DPY19L4: variants seen among roughly 807,000 people sequenced by gnomAD.
DPY19L4 encodes dpy-19 like 4, also known as probable C-mannosyltransferase DPY19L4.
In DPY19L4, 97 loss-of-function variants were observed where a neutral mutation model predicts 102.8. The ratio of observed to expected loss-of-function variants is 0.94; its 90% CI spans 0.80 to 1.12. The LOEUF is 1.12. Among genes scored for constraint, DPY19L4 ranks in the 50% most tolerant of loss-of-function variants. The pLI is 0.00. For missense variants in DPY19L4, 815 were observed against 850.4 expected (o/e 0.96, Z 0.52); for synonymous variants, 252 against 283.1 (o/e 0.89, Z 1.10).
chr8:94,734,012 G>C (rs1811083224), intron 2 of DPY19L4, among the ~76,000 whole-genome samples: 1 of 150,640 alleles, frequency 6.6e-6, no homozygotes, highest in Non-Finnish European at 1.5e-5. Flanking sequence ...ATTAATTTAA[G>C]ATCATATGTT....
At chr8:94,741,657 T>C (rs1811449626) in intron 6 of DPY19L4, among the ~76,000 whole-genome samples, 1 of 152,228 alleles carries the variant, frequency 6.6e-6, no homozygotes, top group African/African-American at 2.4e-5. Context: ...TTTAATTGAT[T>C]TCATTGATTC....
Position 94,789,897 on chromosome 8 carries a change from C to G in DPY19L4, c.2159C>G (p.Ser720Cys), listed in dbSNP as rs140198354. Reference sequence around the variant, plus strand: ...GTATATAAAATCAACACTGTGATATCCTTCCAGTCTTGAAAAATAACAGAG... The same window carrying G: ...GTATATAAAATCAACACTGTGATATGCTTCCAGTCTTGAAAAATAACAGAG... ...YFVYKINTVI[S>C]FQS The change falls in exon 19 of 19, where the codon TCC (serine) becomes TGC (cysteine). Residue 720 changes from serine to cysteine, a missense_variant. Coordinates refer to ENST00000414645, the MANE Select transcript of DPY19L4 (RefSeq NM_181787.3). 12 of 1,593,714 alleles carry G rather than the reference C, an allele frequency of 7.5e-6. No homozygotes were observed. Among genetic ancestry groups the G allele is most frequent in the Non-Finnish European group, 1.0e-5 (12 of 1,174,316 alleles).
chr8:94,732,913 C>T (rs569989735), intron 2 of DPY19L4, among the ~76,000 whole-genome samples: 2 of 148,634 alleles, frequency 1.3e-5, no homozygotes, highest in African/African-American at 5.0e-5. Context: ...TGGGCTAAAG[C>T]GATTATCCTG....
chr8:94,759,347 C>T (rs1812302281), intron 7 of DPY19L4, among the ~76,000 whole-genome samples: 1 of 152,014 alleles, frequency 6.6e-6, no homozygotes, highest in East Asian at 1.9e-4. Flanking sequence ...CTGATTGGTG[C>T]ATATTACAGA....
At chr8:94,774,830 G>GC (rs1813101271) in intron 13 of DPY19L4, among the ~76,000 whole-genome samples, 3 of 152,028 alleles carry the variant, frequency 2.0e-5, no homozygotes, top group South Asian at 4.2e-4. Flanking sequence ...GCCCGCCTCG[G>GC]CCCCCCAAAG....
In DPY19L4 at chr8:94,781,061, T is replaced by TC; in HGVS notation, c.1633-23_1633-22insC. On this transcript the variant is annotated intron_variant, in intron 15 of 18. Transcript: ENST00000414645. The stretch of plus-strand genomic sequence containing the variant: ...CTGACATACATCTTTTGGGGATTTT[T>TC]TTTTTTTTTTTTTGCATTTTAGTTT... The TC allele has an allele frequency of 2.0e-6, 3 of 1,527,216 alleles. No individual in the cohort carries two copies. In the South Asian group the frequency reaches 3.7e-5, roughly 19 times the overall value. 94.6% of individuals were successfully genotyped at this position (1,527,216 alleles called of 1,614,324 possible).
chr8:94,732,234 AT>A (rs1156967467), intron 2 of DPY19L4, among the ~76,000 whole-genome samples: 1 of 152,218 alleles, frequency 6.6e-6, no homozygotes, highest in Admixed American at 6.5e-5. Flanking sequence ...CTAAAAAAAA[AT>A]CAACAAGTTG....
Position 94,756,093 on chromosome 8 carries a change from A to G in DPY19L4, c.669A>G (p.Pro223=), listed in dbSNP as rs369769582. Residue 223 remains proline, a synonymous_variant, in exon 7 of 19, where the codon CCA becomes CCG. Transcript: ENST00000414645. ...CTTTAAGAGAAAACTGGGCACTACC[A>G]TATTTTGCATGCCAAATTGCTGCAC... is the stretch of plus-strand genomic sequence containing the variant. ...SIPLRENWAL[P]YFACQIAALT... 9 of 1,613,706 alleles carry G rather than the reference A, an allele frequency of 5.6e-6. No homozygotes were observed. The highest frequency in any genetic ancestry group is 7.6e-6 in the Non-Finnish European group (9 of 1,179,968).
intron 14 of DPY19L4, among the ~76,000 whole-genome samples, chr8:94,779,232 C>CAAA (rs1563614531): frequency 6.8e-6 from 1 of 147,032 alleles, no homozygotes; most frequent in African/African-American, 2.5e-5. Context: ...AAAAAAAAAA[C>CAAA]CAAGGCTTTA....
At chr8:94,743,157 AG>A (rs1811520286) in intron 6 of DPY19L4, among the ~76,000 whole-genome samples, 1 of 151,976 alleles carries the variant, frequency 6.6e-6, no homozygotes, top group Non-Finnish European at 1.5e-5. Flanking sequence ...CCTCCTGAGT[AG>A]CTGGGATTAC....
chr8:94,729,124 A>G (rs1263313885), intron 2 of DPY19L4, among the ~76,000 whole-genome samples: 1 of 152,148 alleles, frequency 6.6e-6, no homozygotes, highest in Non-Finnish European at 1.5e-5. Flanking sequence ...TAATCCCAGC[A>G]CTTTGGGAGG....
intron 6 of DPY19L4, among the ~76,000 whole-genome samples, chr8:94,752,963 C>G (rs1812011829): frequency 1.3e-5 from 2 of 149,584 alleles, no homozygotes; most frequent in Non-Finnish European, 3.0e-5. Context: ...CAGTGCCCGG[C>G]TTTTGAAGAT....
At chr8:94,785,821 C>T (rs1813627724) in intron 17 of DPY19L4, among the ~76,000 whole-genome samples, 1 of 152,134 alleles carries the variant, frequency 6.6e-6, no homozygotes. Context: ...CAGCATATTC[C>T]TGAATTTTAT....
chr8:94,720,072 CG>C, intron 1 of DPY19L4, 58 bp downstream of exon 1: 3 of 1,505,526 alleles, frequency 2.0e-6, no homozygotes, highest in Non-Finnish European at 1.8e-6. Flanking sequence ...GAAGGAGGGG[CG>C]GGGGCGCTGG....
rs1316284251 is a variant in DPY19L4, at chr8:94,793,336, C to T, written c.*3426C>T. 2.6e-5 allele frequency: 4 copies of T among 152,136 alleles called. No individual in the cohort carries two copies. Among genetic ancestry groups the T allele is most frequent in the Non-Finnish European group, 5.9e-5 (4 of 68,024 alleles). The allele number at this position is 152,136 out of a possible 1,614,324, so 9.4% of individuals were successfully genotyped here. A position where few individuals can be genotyped will look rare whatever the true frequency, so the allele number is the denominator to read the frequency against. ...CTGATAAATCAGTTGTTTTGGGCCC[C>T]TATTTTTGAACTGTTAAAAAATTTT... On this transcript the variant is annotated 3_prime_UTR_variant, in exon 19 of 19. Transcript: ENST00000414645.
intron 6 of DPY19L4, among the ~76,000 whole-genome samples, chr8:94,745,760 A>AT (rs900155477): frequency 1.3e-4 from 20 of 149,420 alleles, no homozygotes; most frequent in East Asian, 9.8e-4. Context: ...TTTGTAATAA[A>AT]TTTTTTTTTT....
chr8:94,735,835 G>A (rs190010382), intron 3 of DPY19L4, among the ~76,000 whole-genome samples: 4 of 152,266 alleles, frequency 2.6e-5, no homozygotes, highest in Admixed American at 2.0e-4. Context: ...CATATACCCA[G>A]TAGATTTGAG....
At chr8:94,721,903 G>C (rs1810474915) in intron 1 of DPY19L4, among the ~76,000 whole-genome samples, 1 of 152,122 alleles carries the variant, frequency 6.6e-6, no homozygotes, top group Non-Finnish European at 1.5e-5. Flanking sequence ...GAAGTCAGAA[G>C]TTCGAGACCA....
At chr8:94,757,251 C>A (rs886805641) in intron 7 of DPY19L4, among the ~76,000 whole-genome samples, 1 of 152,058 alleles carries the variant, frequency 6.6e-6, no homozygotes, top group Non-Finnish European at 1.5e-5. Context: ...ATTCTTTTCT[C>A]CTTTCAGTGG....
Sources: gnomAD v4.1 joint callset for allele counts (sites outside exome capture counted in the v4.1 genomes callset) on GRCh38, gnomAD v4.1.1 for gene constraint, MANE v1.5 for transcripts, NCBI Gene and HGNC (gene_info 2026-07-23, HGNC 2026-07-21) for gene names.